PCNX2: variants seen among roughly 807,000 people sequenced by gnomAD.
PCNX2 encodes the protein pecanex-like protein 2.
Under a neutral mutation model 223.8 loss-of-function variants are expected in PCNX2, and 168 were observed. That is an observed-to-expected ratio of 0.75 (90% CI 0.66 to 0.85). PCNX2 has a LOEUF of 0.85. Among genes scored for constraint, PCNX2 ranks in the 40% least tolerant of loss-of-function variants. The pLI, the probability that PCNX2 is intolerant of heterozygous loss-of-function variation, is 0.00. For synonymous variants in PCNX2, 1,006 were observed against 1,052.6 expected (o/e 0.96, Z 0.86); for missense variants, 2,507 against 2,675.5 (o/e 0.94, Z 1.39).
intron 1 of PCNX2, among the ~76,000 whole-genome samples, chr1:233,276,316 G>T (rs774965969): frequency 1.3e-5 from 2 of 152,068 alleles, no homozygotes; most frequent in African/African-American, 4.8e-5. Flanking sequence ...CGGGGGCTTG[G>T]GGGAGAGAGA....
chr1:233,039,048 A>G (rs1459481793), intron 25 of PCNX2, among the ~76,000 whole-genome samples: 1 of 152,210 alleles, frequency 6.6e-6, no homozygotes, highest in Non-Finnish European at 1.5e-5. Flanking sequence ...ATGAACATTG[A>G]AAGCAAAATT....
Position 233,212,969 on chromosome 1 carries a change from G to A in PCNX2, c.2692-4280C>T, listed in dbSNP as rs139180332. Reference sequence around the variant, plus strand: ...ATAAGTCATATTGATAATTTGTCCCGTTGATGTGATGTGATCCATCATGTT... The same window carrying A: ...ATAAGTCATATTGATAATTTGTCCCATTGATGTGATGTGATCCATCATGTT... On this transcript the variant is annotated intron_variant, in intron 12 of 33. Transcript: ENST00000258229. Among the ~76,000 whole-genome samples, 841 of 152,218 alleles carry A rather than the reference G, an allele frequency of 5.5e-3. 9 individuals are homozygous for A. The highest frequency in any genetic ancestry group is 0.018 in the African/African-American group (745 of 41,522).
intron 10 of PCNX2, 55 bp downstream of exon 10, chr1:233,227,171 C>G: frequency 1.3e-6 from 2 of 1,526,160 alleles, no homozygotes; most frequent in South Asian, 2.6e-5. Flanking sequence ...GCAGTGGGCA[C>G]TGTCACGTCC....
chr1:233,046,597 T>C (rs1340496713), intron 25 of PCNX2, among the ~76,000 whole-genome samples: 1 of 152,184 alleles, frequency 6.6e-6, no homozygotes, highest in African/African-American at 2.4e-5. Flanking sequence ...TCTCAAGACG[T>C]TGCTATGGTG....
At chr1:233,322,370 C>A in the PCNX2 span, among the ~76,000 whole-genome samples, 1 of 152,014 alleles carries the variant, frequency 6.6e-6, no homozygotes, top group Non-Finnish European at 1.5e-5. Context: ...TCTCCAAATG[C>A]CAGATTTGGG....
At chr1:233,216,443 T>C (rs1038553098) in intron 12 of PCNX2, among the ~76,000 whole-genome samples, 5 of 152,178 alleles carry the variant, frequency 3.3e-5, no homozygotes, top group African/African-American at 1.2e-4. Context: ...ATTAGCTTCA[T>C]GTAAAAAGAA....
intron 9 of PCNX2, among the ~76,000 whole-genome samples, chr1:233,233,811 T>C (rs1014795419): frequency 1.5e-4 from 23 of 151,930 alleles, no homozygotes; most frequent in African/African-American, 5.6e-4. Flanking sequence ...TTCTGAGAAA[T>C]AGCTCCCCTG....
chr1:233,021,896 G>C (rs533805474), intron 26 of PCNX2, among the ~76,000 whole-genome samples: 1 of 152,140 alleles, frequency 6.6e-6, no homozygotes, highest in African/African-American at 2.4e-5. Context: ...CCAGCAGTTA[G>C]GAAAAAAGAA....
chr1:233,309,322 A>C, the PCNX2 span, among the ~76,000 whole-genome samples: 1 of 151,954 alleles, frequency 6.6e-6, no homozygotes, highest in African/African-American at 2.4e-5. Flanking sequence ...TAGGTGGATC[A>C]TTTGAGGTCA....
chr1:233,249,151 T>A (rs967731974), intron 8 of PCNX2, among the ~76,000 whole-genome samples: 2 of 152,232 alleles, frequency 1.3e-5, no homozygotes, highest in Non-Finnish European at 2.9e-5. Context: ...AATTTTCAGT[T>A]CTTTAAGGCT....
At chr1:233,247,784 A>T (rs1021912118) in intron 8 of PCNX2, among the ~76,000 whole-genome samples, 1 of 151,252 alleles carries the variant, frequency 6.6e-6, no homozygotes, top group Non-Finnish European at 1.5e-5. Flanking sequence ...AGGTTGAGGC[A>T]GGAGAATCAC....
chr1:233,315,915 A>G, the PCNX2 span, among the ~76,000 whole-genome samples: 1 of 152,336 alleles, frequency 6.6e-6, no homozygotes, highest in South Asian at 2.1e-4. Flanking sequence ...TGAATTGTAA[A>G]TACAATAAAA....
intron 1 of PCNX2, among the ~76,000 whole-genome samples, chr1:233,286,613 T>C (rs1028091114): frequency 9.9e-5 from 15 of 151,294 alleles, no homozygotes; most frequent in Non-Finnish European, 4.4e-5. Context: ...GTGGACAGAG[T>C]ATGCAACCAG....
At position 233,063,235 on chromosome 1, in the gene PCNX2, T is replaced by TCAA. The variant is rs138283953; in HGVS notation, c.4077-5948_4077-5946dup. On this transcript the variant is annotated intron_variant, in intron 23 of 33. Transcript: ENST00000258229. The stretch of plus-strand genomic sequence containing the variant: ...TGGGAGACAGAGCAAGACTCTGTCT[T>TCAA]CAACAACAACAACAACGAAGAAGAA... 4.6e-5 allele frequency among the ~76,000 whole-genome samples: 7 copies of TCAA among 151,904 alleles called. No homozygotes were observed. The South Asian group carries it at 8.3e-4, about 18-fold the overall frequency.
intron 22 of PCNX2, chr1:233,095,520 C>G: frequency 1.9e-6 from 1 of 526,314 alleles, no homozygotes; most frequent in Non-Finnish European, 3.4e-6. Context: ...ATGGAAGGAC[C>G]AGAAAAAATA....
intron 19 of PCNX2, among the ~76,000 whole-genome samples, chr1:233,153,159 G>A (rs141939221): frequency 0.012 from 1,854 of 152,302 alleles, 20 homozygotes; most frequent in Non-Finnish European, 0.017. Context: ...CACCCTGGCA[G>A]GCTACACACT....
At chr1:232,989,176 C>T (rs1011963714) in intron 32 of PCNX2, among the ~76,000 whole-genome samples, 7 of 152,094 alleles carry the variant, frequency 4.6e-5, no homozygotes, top group South Asian at 4.1e-4. Flanking sequence ...CTCACTCGGC[C>T]GGGCACGGTG....
At position 233,041,080 on chromosome 1, in the gene PCNX2, T is replaced by C. The variant is rs540379071; in HGVS notation, c.4351+13188A>G. ...CTCCATGGCCAAGTATTATAATCATTGTCACAACCTTACATATTAAATACA... is the reference window on the plus strand; with the variant it reads ...CTCCATGGCCAAGTATTATAATCATCGTCACAACCTTACATATTAAATACA... On this transcript the variant is annotated intron_variant, in intron 25 of 33. Transcript: ENST00000258229. Among the ~76,000 whole-genome samples the C allele has an allele frequency of 3.9e-5, 6 of 152,298 alleles. No individual in the cohort carries two copies. The South Asian group carries it at 1.2e-3, about 32-fold the overall frequency.
chr1:233,204,971 T>C lies in PCNX2; in HGVS notation c.2863+3547A>G, dbSNP rs548508677. Among the ~76,000 whole-genome samples the C allele has an allele frequency of 1.1e-4, 16 of 152,318 alleles. 1 individual carries two copies. The South Asian group carries it at 3.1e-3, about 30-fold the overall frequency. On this transcript the variant is annotated intron_variant, in intron 13 of 33. Transcript: ENST00000258229. ...AAAATAAAATAAGAATATGCATAGC[T>C]AGTAGGATATTCTAGAACAAGGGTT...
Sources: allele counts gnomAD v4.1 joint callset (sites outside exome capture counted in the v4.1 genomes callset), GRCh38; gene constraint gnomAD v4.1.1; transcripts MANE v1.5; gene names NCBI Gene and HGNC (gene_info 2026-07-23, HGNC 2026-07-21).